ACBD6: variants seen among roughly 807,000 people sequenced by gnomAD.
ACBD6 encodes the protein acyl-CoA binding domain containing 6, also known as acyl-CoA-binding domain-containing protein 6.
A neutral mutation model predicts 37.2 loss-of-function variants in ACBD6; 28 were observed. The observed-to-expected ratio is 0.75, with a 90% CI of 0.56 to 1.03. ACBD6 has a LOEUF of 1.03. ACBD6 is among the 50% of genes least tolerant of loss of function. The probability of loss-of-function intolerance (pLI) is 0.00; values close to 1 mark genes in which losing one functional copy is unlikely to be tolerated. For synonymous variants in ACBD6, 113 were observed against 126.8 expected (o/e 0.89, Z 0.73); for missense variants, 340 against 337.4 (o/e 1.01, Z -0.06).
intron 5 of ACBD6, among the ~76,000 whole-genome samples, chr1:180,409,720 C>G (rs1363589751): frequency 4.6e-5 from 7 of 152,164 alleles, no homozygotes; most frequent in Admixed American, 3.9e-4. Flanking sequence ...GTCTCTCCCC[C>G]TCTCTTCAGG....
intron 6 of ACBD6, among the ~76,000 whole-genome samples, chr1:180,337,996 AAAGAGGATCCAAACAAATGGAAGAAC>A (rs1241206056): frequency 1.3e-5 from 2 of 152,204 alleles, no homozygotes; most frequent in Admixed American, 6.5e-5. Flanking sequence ...CAATCAAATA[AAAGAGGATCCAAACAAATGGAAGAAC>A]AAGAGGATCC....
intron 6 of ACBD6, among the ~76,000 whole-genome samples, chr1:180,332,742 T>C (rs1651533666): frequency 6.6e-6 from 1 of 152,110 alleles, no homozygotes; most frequent in Admixed American, 6.5e-5. Context: ...GCACAATAAA[T>C]GTAATGCATT....
chr1:180,501,148 T>C (rs1651954905), intron 1 of ACBD6, among the ~76,000 whole-genome samples: 1 of 152,200 alleles, frequency 6.6e-6, no homozygotes, highest in African/African-American at 2.4e-5. Context: ...GAAAGGTGCC[T>C]ACTCTCTATG....
intron 3 of ACBD6, among the ~76,000 whole-genome samples, chr1:180,469,148 T>G (rs1650463484): frequency 6.6e-6 from 1 of 152,244 alleles, no homozygotes; most frequent in Non-Finnish European, 1.5e-5. Flanking sequence ...ATCTTCTATT[T>G]TTCCTCTTAG....
chr1:180,497,849 A>G (rs1651797750), intron 1 of ACBD6, among the ~76,000 whole-genome samples: 1 of 152,220 alleles, frequency 6.6e-6, no homozygotes, highest in African/African-American at 2.4e-5. Flanking sequence ...GTTGTTAGAA[A>G]GAGAGAGAAG....
At chr1:180,406,964 A>G (rs565322221) in intron 5 of ACBD6, among the ~76,000 whole-genome samples, 27 of 152,338 alleles carry the variant, frequency 1.8e-4, no homozygotes, top group Middle Eastern at 3.4e-3. Context: ...TTTTGAGGCT[A>G]CACACTTTTA....
intron 6 of ACBD6, among the ~76,000 whole-genome samples, chr1:180,346,656 T>C (rs1652191345): frequency 6.6e-6 from 1 of 152,170 alleles, no homozygotes; most frequent in Non-Finnish European, 1.5e-5. Flanking sequence ...AGATAAGCCA[T>C]GCCATAATGC....
chr1:180,421,367 T>C (rs1299085116), intron 4 of ACBD6, among the ~76,000 whole-genome samples: 1 of 152,224 alleles, frequency 6.6e-6, no homozygotes, highest in Non-Finnish European at 1.5e-5. Flanking sequence ...TATGGCTGTA[T>C]AGTATTCTAC....
chr1:180,352,136 G>A (rs940172213), intron 6 of ACBD6, among the ~76,000 whole-genome samples: 2 of 152,160 alleles, frequency 1.3e-5, no homozygotes, highest in East Asian at 1.9e-4. Flanking sequence ...GCCAGGAGGC[G>A]GGGTGGGGAT....
chr1:180,367,044 T>C (rs1653078749), intron 6 of ACBD6, among the ~76,000 whole-genome samples: 1 of 152,226 alleles, frequency 6.6e-6, no homozygotes, highest in South Asian at 2.1e-4. Flanking sequence ...ATGAAGATAA[T>C]GCTACACAGA....
intron 5 of ACBD6, among the ~76,000 whole-genome samples, chr1:180,410,216 C>T (rs890514513): frequency 1.6e-4 from 24 of 152,202 alleles, no homozygotes; most frequent in Non-Finnish European, 3.2e-4. Flanking sequence ...AGGAAAGAGG[C>T]CATCTCCATA....
chr1:180,391,856 T>C (rs1654088842), intron 6 of ACBD6, among the ~76,000 whole-genome samples: 1 of 151,196 alleles, frequency 6.6e-6, no homozygotes, highest in Admixed American at 6.6e-5. Context: ...TCAAGAAAGC[T>C]CACAGCCCCT....
At chr1:180,297,397 G>A (rs140226906) in intron 7 of ACBD6, among the ~76,000 whole-genome samples, 2 of 152,174 alleles carry the variant, frequency 1.3e-5, no homozygotes, top group South Asian at 2.1e-4. Flanking sequence ...ATTTTTTTGT[G>A]AGCTAAAATC....
chr1:180,345,729 G>T (rs1652154173), intron 6 of ACBD6, among the ~76,000 whole-genome samples: 1 of 151,970 alleles, frequency 6.6e-6, no homozygotes, highest in East Asian at 1.9e-4. Flanking sequence ...TATAAAAAAT[G>T]TTTTTATACT....
At position 180,367,875 on chromosome 1, in the gene ACBD6, A is replaced by G. The variant is rs369114855; in HGVS notation, c.663+29641T>C. On this transcript the variant is annotated intron_variant, in intron 6 of 7. Transcript: ENST00000367595. The stretch of plus-strand genomic sequence containing the variant: ...ATTCACGTGCATGTGTCTTTATGGT[A>G]GAATGATTTATGTACCTCTTGGTAT... Among the ~76,000 whole-genome samples the G allele has an allele frequency of 4.1e-4, 62 of 152,336 alleles. 1 individual carries two copies. In the South Asian group the frequency reaches 0.012, roughly 30 times the overall value.
intron 6 of ACBD6, 99 bp downstream of exon 6, chr1:180,397,417 A>C (rs934582070): frequency 1.2e-5 from 12 of 1,026,944 alleles, no homozygotes; most frequent in Admixed American, 1.7e-5. Context: ...ACTAAACGCC[A>C]CTGAATTGCA....
chr1:180,416,736 G>GT (rs1424066242), intron 4 of ACBD6, among the ~76,000 whole-genome samples: 2 of 152,146 alleles, frequency 1.3e-5, no homozygotes, highest in Non-Finnish European at 2.9e-5. Flanking sequence ...GAGGGAGAGT[G>GT]TTTAAGTACG....
intron 1 of ACBD6, among the ~76,000 whole-genome samples, chr1:180,501,279 A>C (rs1013847946): frequency 1.3e-5 from 2 of 152,246 alleles, no homozygotes; most frequent in African/African-American, 4.8e-5. Flanking sequence ...TAAATCAAAG[A>C]TATTTAGGAT....
chr1:180,298,574 G>A (rs1650007814), intron 7 of ACBD6, among the ~76,000 whole-genome samples: 1 of 152,182 alleles, frequency 6.6e-6, no homozygotes, highest in Non-Finnish European at 1.5e-5. Context: ...TGGAGCTTAA[G>A]AATTTAAGTT....
Sources: gnomAD v4.1 joint callset for allele counts (sites outside exome capture counted in the v4.1 genomes callset) on GRCh38, gnomAD v4.1.1 for gene constraint, MANE v1.5 for transcripts, NCBI Gene and HGNC (gene_info 2026-07-23, HGNC 2026-07-21) for gene names.